FAM174A: variants seen among roughly 807,000 people sequenced by gnomAD.
The protein encoded by FAM174A is membrane protein FAM174A.
A neutral mutation model predicts 14.3 loss-of-function variants in FAM174A; 14 were observed. That is an observed-to-expected ratio of 0.98 (90% CI 0.65 to 1.53). FAM174A has a LOEUF of 1.53. Among genes scored for constraint, FAM174A ranks in the 40% most tolerant of loss-of-function variants. FAM174A has a pLI of 0.00. For missense variants in FAM174A, 241 were observed against 249.6 expected (o/e 0.97, Z 0.23); for synonymous variants, 108 against 111.4 (o/e 0.97, Z 0.19).
At chr5:100,576,417 A>G (rs1746907139) in intron 2 of FAM174A, among the ~76,000 whole-genome samples, 1 of 152,202 alleles carries the variant, frequency 6.6e-6, no homozygotes, top group Non-Finnish European at 1.5e-5. Context: ...TATAATTGCA[A>G]CCAGATGGTA....
intron 2 of FAM174A, among the ~76,000 whole-genome samples, chr5:100,580,504 A>G (rs1746989806): frequency 6.6e-6 from 1 of 152,236 alleles, no homozygotes; most frequent in African/African-American, 2.4e-5. Context: ...GACAGGAAGC[A>G]TCCAGCACAG....
chr5:100,571,870 C>G (rs1054023179), intron 2 of FAM174A, among the ~76,000 whole-genome samples: 1 of 151,896 alleles, frequency 6.6e-6, no homozygotes, highest in South Asian at 2.1e-4. Context: ...ACAGCAAAGT[C>G]TCTGATGGCT....
chr5:100,539,034 G>C (rs1010069622), intron 1 of FAM174A, among the ~76,000 whole-genome samples: 1 of 151,720 alleles, frequency 6.6e-6, no homozygotes, highest in African/African-American at 2.4e-5. Context: ...TATTCAATTT[G>C]GTATATTGGA....
intron 2 of FAM174A, chr5:100,581,437 A>G (rs1035725714): frequency 2.1e-6 from 2 of 959,942 alleles, no homozygotes; most frequent in African/African-American, 1.8e-5. Context: ...TTATTTTTTT[A>G]AAGATATAAG....
intron 2 of FAM174A, among the ~76,000 whole-genome samples, chr5:100,563,763 T>C (rs188069506): frequency 8.6e-5 from 13 of 151,982 alleles, no homozygotes; most frequent in Admixed American, 6.6e-4. Context: ...TTAACAACTT[T>C]AAGAAGATTG....
chr5:100,572,210 T>C (rs1746796500), intron 2 of FAM174A, among the ~76,000 whole-genome samples: 1 of 119,250 alleles, frequency 8.4e-6, no homozygotes, highest in South Asian at 2.3e-4. Context: ...TAAAGGTTTT[T>C]TTTTCTTTTT....
chr5:100,556,304 T>A (rs925055880), intron 1 of FAM174A, among the ~76,000 whole-genome samples: 17 of 152,292 alleles, frequency 1.1e-4, no homozygotes, highest in African/African-American at 4.1e-4. Context: ...GGTCTATATC[T>A]CTGTTTTGGT....
chr5:100,576,447 G>A (rs1746907625), intron 2 of FAM174A, among the ~76,000 whole-genome samples: 1 of 152,026 alleles, frequency 6.6e-6, no homozygotes, highest in Non-Finnish European at 1.5e-5. Flanking sequence ...GGAAGTTAGG[G>A]CCACACTCTT....
chr5:100,559,490 G>T (rs544622179), intron 1 of FAM174A, among the ~76,000 whole-genome samples: 1 of 151,868 alleles, frequency 6.6e-6, no homozygotes, highest in African/African-American at 2.4e-5. Context: ...GGCCTGCCTT[G>T]CTAGAACTTC....
At chr5:100,581,676 G>A (rs992229047) in intron 2 of FAM174A, among the ~76,000 whole-genome samples, 1 of 152,116 alleles carries the variant, frequency 6.6e-6, no homozygotes, top group Non-Finnish European at 1.5e-5. Context: ...ATTACATTTG[G>A]TCGTGGTTGA....
At chr5:100,575,114 T>C (rs1189999296) in intron 2 of FAM174A, among the ~76,000 whole-genome samples, 1 of 152,184 alleles carries the variant, frequency 6.6e-6, no homozygotes, top group Non-Finnish European at 1.5e-5. Flanking sequence ...CTGTTCCTTC[T>C]GTCTTCTATA....
chr5:100,561,968 A>G, intron 1 of FAM174A, 86 bp from the exon 2 acceptor site: 1 of 779,826 alleles, frequency 1.3e-6, no homozygotes. Flanking sequence ...GCTATGTCAG[A>G]AACAGAATAA....
Position 100,535,792 on chromosome 5 carries a change from G to C in FAM174A, c.262G>C (p.Val88Leu). Reference sequence around the variant, plus strand: ...CGAGGGAGGCAATGGCAGCAACCCTGTGGCCGGGCTTGAGACGGACGATCA... The same window carrying C: ...CGAGGGAGGCAATGGCAGCAACCCTCTGGCCGGGCTTGAGACGGACGATCA... ...GSEGGNGSNPVAGLETDDHGG... is the reference protein window; with the variant it reads ...GSEGGNGSNPLAGLETDDHGG... The change falls in exon 1 of 3, where the codon GTG becomes CTG. Residue 88 changes from valine to leucine, a missense_variant. Physicochemically the swap from Val to Leu is conservative, Grantham distance 32. Coordinates refer to ENST00000312637, the MANE Select transcript of FAM174A (RefSeq NM_198507.3). 2 of 1,608,298 alleles carry C rather than the reference G, an allele frequency of 1.2e-6. No individual in the cohort carries two copies. Among genetic ancestry groups the C allele is most frequent in the Non-Finnish European group, 1.7e-6 (2 of 1,179,366 alleles).
chr5:100,535,433 T>A lies in FAM174A; in HGVS notation c.-98T>A, dbSNP rs1030768151. 7.4e-7 allele frequency: 1 copy of A among 1,348,324 alleles called. No homozygotes were observed. Among genetic ancestry groups the A allele is most frequent in the African/African-American group, 1.5e-5 (1 of 68,810 alleles). The allele number at this position is 1,348,324 out of a possible 1,614,324, so 83.5% of individuals were successfully genotyped here. On this transcript the variant is annotated 5_prime_UTR_variant, in exon 1 of 3. Coordinates refer to ENST00000312637, the MANE Select transcript of FAM174A (RefSeq NM_198507.3). ...GACCGGGCCTCTCCCTGGCGTTTGGTCACCTCTGCTTCATTCTCCACCGCG... is the reference window on the plus strand; with the variant it reads ...GACCGGGCCTCTCCCTGGCGTTTGGACACCTCTGCTTCATTCTCCACCGCG...
At chr5:100,570,295 A>G (rs1239778948) in intron 2 of FAM174A, among the ~76,000 whole-genome samples, 4 of 151,908 alleles carry the variant, frequency 2.6e-5, no homozygotes, top group East Asian at 1.9e-4. Flanking sequence ...CCATTACTTT[A>G]TTTGAAGAAG....
In FAM174A at chr5:100,562,143, A is replaced by T. The variant is rs1280262056; in HGVS notation, c.524A>T (p.Asp175Val). ...NMELTPLEQD[D>V]EDDDNTLFDA... is the part of the protein sequence containing the mutation. Reference sequence around the variant, plus strand: ...GAATTGACACCTTTAGAACAGGATGATGAGGATGATGACAACACGTTGTTT... The same window carrying T: ...GAATTGACACCTTTAGAACAGGATGTTGAGGATGATGACAACACGTTGTTT... Residue 175 changes from aspartate to valine, a missense_variant, in exon 2 of 3, where the codon GAT becomes GTT. Physicochemically the swap from Asp to Val is radical, Grantham distance 152. Transcript: ENST00000312637. The T allele has an allele frequency of 6.3e-6, 10 of 1,586,744 alleles. No individual in the cohort carries two copies. The African/African-American group carries it at 9.6e-5, about 15-fold the overall frequency.
intron 2 of FAM174A, among the ~76,000 whole-genome samples, chr5:100,570,330 A>G (rs10491365): frequency 0.059 from 9,023 of 151,960 alleles, 903 homozygotes; most frequent in African/African-American, 0.2. Context: ...TTTTAATTCA[A>G]TGGGCAGAAC....
At chr5:100,581,506 A>G (rs974039776) in intron 2 of FAM174A, 2 of 443,336 alleles carry the variant, frequency 4.5e-6, no homozygotes, top group Non-Finnish European at 6.0e-6. Context: ...TGATCCCAAC[A>G]CTTTGGGAGG....
At chr5:100,560,334 A>G (rs1318449609) in intron 1 of FAM174A, among the ~76,000 whole-genome samples, 1 of 152,118 alleles carries the variant, frequency 6.6e-6, no homozygotes, top group Non-Finnish European at 1.5e-5. Flanking sequence ...CAACCTAAAC[A>G]TACTTAATTT....
Sources: gnomAD v4.1 joint callset for allele counts (sites outside exome capture counted in the v4.1 genomes callset) on GRCh38, gnomAD v4.1.1 for gene constraint, MANE v1.5 for transcripts, NCBI Gene and HGNC (gene_info 2026-07-23, HGNC 2026-07-21) for gene names.